The following SNX13 variants were observed in gnomAD, a reference collection of about 807,000 sequenced individuals.
SNX13 encodes the protein sorting nexin 13.
In SNX13, 45 loss-of-function variants were observed where a neutral mutation model predicts 133.6. The observed-to-expected ratio is 0.34, with a 90% CI of 0.27 to 0.43. SNX13 has a LOEUF of 0.43. Ranked by LOEUF, SNX13 falls within the 20% of genes least tolerant of loss-of-function variation. The pLI, the probability that SNX13 is intolerant of heterozygous loss-of-function variation, is 1.00. For missense variants in SNX13, 1,032 were observed against 1,145.1 expected (o/e 0.90, Z 1.43); for synonymous variants, 414 against 373.9 (o/e 1.11, Z -1.24).
intron 5 of SNX13, among the ~76,000 whole-genome samples, chr7:17,877,046 A>T (rs200669646): frequency 4.8e-5 from 5 of 103,832 alleles, no homozygotes; most frequent in East Asian, 6.1e-4. Context: ...TTACTTTTTG[A>T]AAAAAAAAAA....
chr7:17,877,283 A>G (rs1387154736), intron 5 of SNX13, among the ~76,000 whole-genome samples: 2 of 152,068 alleles, frequency 1.3e-5, no homozygotes, highest in African/African-American at 4.8e-5. Flanking sequence ...AGCCATGCAT[A>G]TAAGCATATA....
intron 1 of SNX13, among the ~76,000 whole-genome samples, chr7:17,928,409 A>C (rs995904251): frequency 6.6e-6 from 1 of 152,170 alleles, no homozygotes; most frequent in African/African-American, 2.4e-5. Flanking sequence ...TCACAATTCT[A>C]TGACATAAGT....
chr7:17,801,014 A>ATATATATATATATATATATGTG (rs1784560648), intron 22 of SNX13, among the ~76,000 whole-genome samples: 1 of 8,580 alleles, frequency 1.2e-4, no homozygotes, highest in African/African-American at 3.1e-4. Context: ...CTGAACATAT[A>ATATATATATATATATATATGTG]TATATATATA....
chr7:17,896,357 C>T (rs894814087), intron 2 of SNX13, among the ~76,000 whole-genome samples: 1 of 152,162 alleles, frequency 6.6e-6, no homozygotes, highest in Non-Finnish European at 1.5e-5. Context: ...AAGAAATTCT[C>T]ACTTGTTCAA....
At chr7:17,873,484 C>G in intron 8 of SNX13, 44 bp downstream of exon 8, 1 of 1,365,722 alleles carries the variant, frequency 7.3e-7, no homozygotes, top group Admixed American at 3.1e-5. Context: ...AACTACTGCT[C>G]TACATTTTTT....
At chr7:17,891,413 T>C in intron 4 of SNX13, 133 bp downstream of exon 4, 1 of 539,048 alleles carries the variant, frequency 1.9e-6, no homozygotes, top group Non-Finnish European at 3.1e-6. Context: ...CATCTTCAAG[T>C]ATAAAATTCA....
At chr7:17,794,371 G>T in intron 25 of SNX13, 79 bp from the exon 26 acceptor site, 1 of 1,497,806 alleles carries the variant, frequency 6.7e-7, no homozygotes, top group East Asian at 2.3e-5. Flanking sequence ...CTTAAATTAA[G>T]GTACACAGCA....
In SNX13 at chr7:17,826,015, C is replaced by T. The variant is rs1316435526; in HGVS notation, c.1705+7G>A. On this transcript the variant is annotated splice_region_variant and intron_variant, in intron 17 of 25. Transcript: ENST00000428135. ...TAATGCAATAATTATACTTCAAACTCTCTTACCTGTGTCTGAAATGTAGGC... is the reference window on the plus strand; with the variant it reads ...TAATGCAATAATTATACTTCAAACTTTCTTACCTGTGTCTGAAATGTAGGC... 3 of 1,516,280 alleles carry T rather than the reference C, an allele frequency of 2.0e-6. No individual in the cohort carries two copies. The highest frequency in any genetic ancestry group is 2.7e-6 in the Non-Finnish European group (3 of 1,122,064). The allele number at this position is 1,516,280 out of a possible 1,614,324, so 93.9% of individuals were successfully genotyped here. A position where few individuals can be genotyped will look rare whatever the true frequency, so the allele number is the denominator to read the frequency against.
intron 5 of SNX13, chr7:17,889,607 C>T (rs1251272747): frequency 6.6e-6 from 1 of 151,842 alleles, no homozygotes; most frequent in African/African-American, 2.4e-5. Flanking sequence ...CATTAAAAGG[C>T]TTTCAAAAAG....
intron 1 of SNX13, among the ~76,000 whole-genome samples, chr7:17,930,876 A>G (rs1041097358): frequency 6.6e-6 from 1 of 152,150 alleles, no homozygotes; most frequent in Non-Finnish European, 1.5e-5. Flanking sequence ...CCTATTGTGA[A>G]GTGCACATGC....
chr7:17,904,970 C>T (rs937540914), intron 1 of SNX13, among the ~76,000 whole-genome samples: 4 of 151,676 alleles, frequency 2.6e-5, no homozygotes, highest in Non-Finnish European at 5.9e-5. Context: ...AAATTACTAA[C>T]TAGACAAGTG....
At chr7:17,824,716 T>C (rs1483771040) in intron 17 of SNX13, among the ~76,000 whole-genome samples, 2 of 152,166 alleles carry the variant, frequency 1.3e-5, no homozygotes, top group East Asian at 3.9e-4. Flanking sequence ...GTTATACTCT[T>C]AACCACTATA....
At chr7:17,917,959 C>T (rs1336375744) in intron 1 of SNX13, among the ~76,000 whole-genome samples, 1 of 152,026 alleles carries the variant, frequency 6.6e-6, no homozygotes, top group Non-Finnish European at 1.5e-5. Flanking sequence ...GGTATGAAAA[C>T]AGACACACAG....
chr7:17,895,016 ATAT>A (rs1313652436), intron 2 of SNX13, among the ~76,000 whole-genome samples: 6 of 152,276 alleles, frequency 3.9e-5, no homozygotes, highest in African/African-American at 1.2e-4. Flanking sequence ...GTTATATCTG[ATAT>A]TATTATTAAG....
At chr7:17,821,386 A>G in intron 18 of SNX13, 123 bp downstream of exon 18, 3 of 906,532 alleles carry the variant, frequency 3.3e-6, no homozygotes, top group Non-Finnish European at 5.0e-6. Context: ...ATTTATGGTG[A>G]TTATACCAAA....
intron 25 of SNX13, chr7:17,795,293 ATAG>A (rs1783927255): frequency 6.6e-6 from 1 of 151,686 alleles, no homozygotes; most frequent in Admixed American, 6.6e-5. Flanking sequence ...TACTGATAAT[ATAG>A]ATATTATTTT....
intron 22 of SNX13, 66 bp downstream of exon 22, chr7:17,801,522 A>T (rs1784646145): frequency 7.9e-7 from 1 of 1,266,520 alleles, no homozygotes; most frequent in Admixed American, 2.3e-5. Context: ...ACACTTCATT[A>T]AAAAGTTAAA....
chr7:17,935,267 G>A (rs1185703699), intron 1 of SNX13, among the ~76,000 whole-genome samples: 1 of 152,126 alleles, frequency 6.6e-6, no homozygotes, highest in East Asian at 1.9e-4. Context: ...AGCCAAGCAT[G>A]GGAAGACAAA....
At chr7:17,802,929 G>C (rs972317382) in intron 21 of SNX13, among the ~76,000 whole-genome samples, 1 of 152,076 alleles carries the variant, frequency 6.6e-6, no homozygotes, top group South Asian at 2.1e-4. Flanking sequence ...GACACGCAGA[G>C]GTCTATACCC....
Sources: allele counts gnomAD v4.1 joint callset (sites outside exome capture counted in the v4.1 genomes callset), GRCh38; gene constraint gnomAD v4.1.1; transcripts MANE v1.5; gene names NCBI Gene and HGNC (gene_info 2026-07-23, HGNC 2026-07-21).